The following POLQ variants were observed in gnomAD, a reference collection of about 807,000 sequenced individuals.
POLQ encodes the protein epididymis secretory sperm binding protein.
POLQ carries 233 observed loss-of-function variants against 259.2 expected under a neutral mutation model. The ratio of observed to expected loss-of-function variants is 0.90; its 90% CI spans 0.81 to 1.00. The LOEUF (loss-of-function observed/expected upper bound fraction) is 1.00. POLQ is among the 50% of genes least tolerant of loss of function. The pLI, the probability that POLQ is intolerant of heterozygous loss-of-function variation, is 0.00. For synonymous variants in POLQ, 1,025 were observed against 1,048.8 expected (o/e 0.98, Z 0.44); for missense variants, 2,871 against 3,051.6 (o/e 0.94, Z 1.39).
At chr3:121,453,144 A>T (rs757655256) in intron 25 of POLQ, among the ~76,000 whole-genome samples, 1 of 152,212 alleles carries the variant, frequency 6.6e-6, no homozygotes, top group African/African-American at 2.4e-5. Context: ...TGGAGTGGAC[A>T]TCTAGCAAAC....
rs1248715853 is a variant in POLQ at position 121,487,535 on chromosome 3, A to G, written c.5396T>C (p.Ile1799Thr). 1 of 1,614,078 alleles carries G rather than the reference A, an allele frequency of 6.2e-7. No homozygotes were observed. Among genetic ancestry groups the G allele is most frequent in the South Asian group, 1.1e-5 (1 of 91,088 alleles). Residue 1799 changes from isoleucine to threonine, a missense_variant, in exon 16 of 30, where the codon ATT becomes ACT. Around this residue, in one of 3 missense-constraint regions of POLQ, gnomAD observed 2,080 missense variants for 2,126.0 expected, o/e 0.98. Coordinates refer to ENST00000264233, the MANE Select transcript of POLQ (RefSeq NM_199420.4). ...SRNGFKDNSP[I>T]SDTSFSLQLS... The stretch of plus-strand genomic sequence containing the variant: ...CTGAAGTGAAAAGCTTGTGTCACTA[A>G]TAGGGCTGTTGTCTTTGAACCCATT...
chr3:121,457,369 C>A (rs1473103518), intron 25 of POLQ, among the ~76,000 whole-genome samples: 2 of 152,082 alleles, frequency 1.3e-5, no homozygotes, highest in Non-Finnish European at 2.9e-5. Context: ...GCAACAAAAG[C>A]CAAAATTGAC....
chr3:121,461,227 C>T (rs1233545485), intron 24 of POLQ, among the ~76,000 whole-genome samples: 1 of 152,198 alleles, frequency 6.6e-6, no homozygotes, highest in Non-Finnish European at 1.5e-5. Flanking sequence ...TTAACAGTGT[C>T]TATCGAAATT....
chr3:121,521,906 A>T, intron 8 of POLQ, 97 bp downstream of exon 8: 1 of 867,648 alleles, frequency 1.2e-6, no homozygotes, highest in Non-Finnish European at 1.7e-6. Flanking sequence ...AAGGACATTA[A>T]GTGTGTTTAA....
intron 15 of POLQ, 163 bp from the exon 16 acceptor site, chr3:121,490,571 G>C: frequency 4.7e-6 from 3 of 632,850 alleles, no homozygotes; most frequent in Non-Finnish European, 5.5e-6. Flanking sequence ...GGGGAATTCA[G>C]AAAATAAACA....
chr3:121,454,639 C>G (rs930683490), intron 25 of POLQ, among the ~76,000 whole-genome samples: 1 of 152,066 alleles, frequency 6.6e-6, no homozygotes, highest in African/African-American at 2.4e-5. Flanking sequence ...ACAAAGAAGG[C>G]CATTACATAA....
chr3:121,510,653 T>A (rs1020935430), intron 10 of POLQ, among the ~76,000 whole-genome samples: 5 of 152,242 alleles, frequency 3.3e-5, no homozygotes, highest in African/African-American at 1.2e-4. Flanking sequence ...TATTTCATTC[T>A]CATTTTTTTA....
intron 12 of POLQ, among the ~76,000 whole-genome samples, chr3:121,508,016 A>ATTTTTTTTTTTTTTTTTTTTTTTTTT (rs4048669): frequency 3.1e-5 from 4 of 129,648 alleles, no homozygotes; most frequent in Non-Finnish European, 3.2e-5. Context: ...ACCATACACA[A>ATTTTTTTTTTTTTTTTTTTTTTTTTT]TTTTTTTTTT....
chr3:121,446,233 T>A (rs545253619), intron 26 of POLQ, among the ~76,000 whole-genome samples: 3 of 152,224 alleles, frequency 2.0e-5, no homozygotes, highest in Non-Finnish European at 4.4e-5. Context: ...TTAATTTCCA[T>A]GTTTGTATAC....
At position 121,449,547 on chromosome 3, in the gene POLQ, T is replaced by C. The variant is rs528943329; in HGVS notation, c.7153-121A>G. The C allele has an allele frequency of 2.5e-5, 17 of 684,672 alleles. No homozygotes were observed. The African/African-American group carries it at 3.0e-4, about 12-fold the overall frequency. 42.4% of individuals were successfully genotyped at this position (684,672 alleles called of 1,614,324 possible). On this transcript the variant is annotated intron_variant, in intron 25 of 29. Coordinates refer to ENST00000264233, the MANE Select transcript of POLQ (RefSeq NM_199420.4). ...CACAGTGAGTGAAACAATGATTAGA[T>C]TGCTTTTGGTGGGTTACATCCACAG...
At chr3:121,520,774 A>G (rs1380205089) in intron 8 of POLQ, among the ~76,000 whole-genome samples, 1 of 152,200 alleles carries the variant, frequency 6.6e-6, no homozygotes, top group Non-Finnish European at 1.5e-5. Flanking sequence ...GCAGACTGTA[A>G]CTTGCTAACC....
intron 12 of POLQ, among the ~76,000 whole-genome samples, chr3:121,499,073 T>G (rs1181012917): frequency 6.6e-6 from 1 of 151,880 alleles, no homozygotes; most frequent in Non-Finnish European, 1.5e-5. Flanking sequence ...AGAGCAAGAC[T>G]CCATCTCAAA....
chr3:121,539,729 A>T, intron 3 of POLQ, 140 bp from the exon 4 acceptor site: 1 of 657,328 alleles, frequency 1.5e-6, no homozygotes, highest in South Asian at 1.9e-5. Flanking sequence ...TGGCCAGGAC[A>T]CACTGGTTCT....
chr3:121,448,896 A>C (rs1015760652), intron 26 of POLQ, among the ~76,000 whole-genome samples: 1 of 152,216 alleles, frequency 6.6e-6, no homozygotes, highest in Admixed American at 6.5e-5. Flanking sequence ...CAGGCAAAAA[A>C]GATCATTTAA....
chr3:121,489,743 C>T lies in POLQ; in HGVS notation c.3188G>A (p.Cys1063Tyr). 1 of 1,612,408 alleles carries T rather than the reference C, an allele frequency of 6.2e-7. No individual in the cohort carries two copies. ...DSSPLKDSGA[C>Y]RIHLQGQTLS... ...AGTCTGTCCTTGTAAATGGATTCTACACGCTCCAGAGTCTTTCAGGGGGCT... is the reference window on the plus strand; with the variant it reads ...AGTCTGTCCTTGTAAATGGATTCTATACGCTCCAGAGTCTTTCAGGGGGCT... The change falls in exon 16 of 30, where the codon TGT (cysteine) becomes TAT (tyrosine). Residue 1063 changes from cysteine (C) to tyrosine (Y), a missense_variant. This residue lies in a region of POLQ where 2,080 missense variants were observed against 2,126.0 expected (regional missense o/e 0.98). Transcript: ENST00000264233.
chr3:121,466,429 G>A (rs181197770), intron 24 of POLQ, among the ~76,000 whole-genome samples: 13 of 147,494 alleles, frequency 8.8e-5, no homozygotes, highest in Admixed American at 2.0e-4. Flanking sequence ...AGTGGCTCAC[G>A]CCTGTAATCC....
chr3:121,488,797 T>C lies in POLQ; in HGVS notation c.4134A>G (p.Glu1378=), dbSNP rs2048037235. The change falls in exon 16 of 30, where the codon GAA becomes GAG. Residue 1378 remains glutamate, a synonymous_variant. Transcript: ENST00000264233. ...QKECHIPFPA[E]QHPLGATKID... ...TCTTAGTCGCTCCTAGAGGGTGCTG[T>C]TCAGCAGGAAAAGGAATGTGACACT... 1 of 1,613,964 alleles carries C rather than the reference T, an allele frequency of 6.2e-7. No homozygotes were observed.
rs550140887 is a variant in POLQ at position 121,493,440 on chromosome 3, T to C, written c.2522+38A>G. On this transcript the variant is annotated intron_variant, in intron 15 of 29. Coordinates refer to ENST00000264233, the MANE Select transcript of POLQ (RefSeq NM_199420.4). ...TATTTTAAAATTGACATTTTTTTTT[T>C]ATTTCATAAGCCCATGTAGGTAAAG... The C allele has an allele frequency of 4.9e-6, 7 of 1,429,784 alleles. No individual in the cohort carries two copies. In the African/African-American group the frequency reaches 1.0e-4, roughly 21 times the overall value. The allele number at this position is 1,429,784 out of a possible 1,614,324, so 88.6% of individuals were successfully genotyped here. A position where few individuals can be genotyped will look rare whatever the true frequency, so the allele number is the denominator to read the frequency against.
In POLQ at chr3:121,485,161, T is replaced by C. The variant is rs367591282; in HGVS notation, c.5653A>G (p.Ile1885Val). 8 of 1,606,012 alleles carry C rather than the reference T, an allele frequency of 5.0e-6. No homozygotes were observed. The African/African-American group carries it at 6.7e-5, about 13-fold the overall frequency. ...KQASSPQEIPIRDDGFPIKGC... is the reference protein window; with the variant it reads ...KQASSPQEIPVRDDGFPIKGC... ...TTAATGGGAAATCCATCATCTCTAA[T>C]AGGAATTTCCTGAGGTGAGCTAGCT... Residue 1885 changes from isoleucine to valine, a missense_variant, in exon 17 of 30, where the codon ATT becomes GTT. By Grantham distance (29) the Ile-to-Val change is conservative. Coordinates refer to ENST00000264233, the MANE Select transcript of POLQ (RefSeq NM_199420.4).
Sources: gnomAD v4.1 joint callset for allele counts (sites outside exome capture counted in the v4.1 genomes callset) on GRCh38, gnomAD v4.1.1 for gene constraint, gnomAD v4.1.1 regional missense constraint, MANE v1.5 for transcripts, NCBI Gene and HGNC (gene_info 2026-07-23, HGNC 2026-07-21) for gene names.